The following UTRN variants were observed in gnomAD, a reference collection of about 807,000 sequenced individuals.
The protein encoded by UTRN is dystrophin-related protein 1.
UTRN carries 283 observed loss-of-function variants against 463.9 expected under a neutral mutation model. That is an observed-to-expected ratio of 0.61 (90% CI 0.55 to 0.67). UTRN has a LOEUF of 0.67. Among genes scored for constraint, UTRN ranks in the 30% least tolerant of loss-of-function variants. The pLI is 0.00. For missense variants in UTRN, 3,922 were observed against 4,084.3 expected (o/e 0.96, Z 1.08); for synonymous variants, 1,442 against 1,431.5 (o/e 1.01, Z -0.17).
intron 3 of UTRN, among the ~76,000 whole-genome samples, chr6:144,407,466 C>T (rs1783519412): frequency 6.6e-6 from 1 of 152,120 alleles, no homozygotes; most frequent in African/African-American, 2.4e-5. Flanking sequence ...TAAACAAATC[C>T]AGCTATCCAA....
At chr6:144,514,599 G>A in intron 36 of UTRN, 51 bp from the exon 37 acceptor site, 1 of 1,582,216 alleles carries the variant, frequency 6.3e-7, no homozygotes, top group Non-Finnish European at 8.6e-7. Flanking sequence ...TCACACTCAT[G>A]TTTGGGTTTG....
intron 35 of UTRN, among the ~76,000 whole-genome samples, chr6:144,513,244 T>C (rs749768103): frequency 5.3e-5 from 8 of 152,144 alleles, no homozygotes; most frequent in Non-Finnish European, 8.8e-5. Flanking sequence ...AAAAAATTAT[T>C]CCTTAAATGA....
chr6:144,656,903 T>A (rs1049101159), intron 51 of UTRN, among the ~76,000 whole-genome samples: 2 of 152,214 alleles, frequency 1.3e-5, no homozygotes, highest in African/African-American at 4.8e-5. Flanking sequence ...CATATTCTTT[T>A]GATGATCTGT....
At chr6:144,561,986 T>G (rs1239443070) in intron 50 of UTRN, among the ~76,000 whole-genome samples, 9 of 152,152 alleles carry the variant, frequency 5.9e-5, no homozygotes, top group Admixed American at 5.9e-4. Flanking sequence ...AATGATAAAA[T>G]ACTTCTTTGT....
intron 66 of UTRN, among the ~76,000 whole-genome samples, chr6:144,825,528 C>G (rs1329315081): frequency 6.6e-6 from 1 of 151,570 alleles, no homozygotes. Flanking sequence ...CTTGAGAAAC[C>G]CTTCAGTTCA....
chr6:144,706,225 C>CT (rs59062596), intron 53 of UTRN, among the ~76,000 whole-genome samples: 61,299 of 144,178 alleles, frequency 0.43, 17,520 homozygotes, highest in African/African-American at 0.8. Flanking sequence ...TTCAGGGCAG[C>CT]TTTTTTTTTT....
intron 45 of UTRN, among the ~76,000 whole-genome samples, chr6:144,541,940 G>A (rs1371032820): frequency 6.6e-6 from 1 of 152,212 alleles, no homozygotes; most frequent in African/African-American, 2.4e-5. Context: ...AATGAGCACA[G>A]TGTATATAGG....
chr6:144,322,921 T>G (rs1775754059), intron 2 of UTRN, among the ~76,000 whole-genome samples: 1 of 147,574 alleles, frequency 6.8e-6, no homozygotes, highest in African/African-American at 2.5e-5. Flanking sequence ...ACAGCCTGGG[T>G]GACAGAGTGA....
At chr6:144,380,948 G>A (rs901109199) in intron 2 of UTRN, among the ~76,000 whole-genome samples, 2 of 152,008 alleles carry the variant, frequency 1.3e-5, no homozygotes, top group Non-Finnish European at 2.9e-5. Context: ...CAGAAGTGAG[G>A]CACCTTGCCC....
rs906535163 is a variant in UTRN, at chr6:144,285,428, A to T, written c.-486A>T. On this transcript the variant is annotated 5_prime_UTR_variant, in exon 1 of 75. Coordinates refer to ENST00000367545, the MANE Select transcript of UTRN (RefSeq NM_007124.3). ...GAGGAGCCTCTGGCTCCAGAAGCCG[A>T]TTGGGGAATCACGGGGAGCGGCGCC... 2.6e-5 allele frequency among the ~76,000 whole-genome samples: 4 copies of T among 151,688 alleles called. No individual in the cohort carries two copies. Among genetic ancestry groups the T allele is most frequent in the African/African-American group, 9.7e-5 (4 of 41,354 alleles).
Position 144,850,972 on chromosome 6 carries a change from A to C in UTRN, c.10294-17A>C. ...TTTTGTGCAAATTTCTGACAGTGCT[A>C]TTTTCCCTTCCCATAGGCAATGTGA... On this transcript the variant is annotated splice_polypyrimidine_tract_variant and intron_variant, in intron 74 of 74. Coordinates refer to ENST00000367545, the MANE Select transcript of UTRN (RefSeq NM_007124.3). 6.2e-7 allele frequency: 1 copy of C among 1,613,552 alleles called. No individual in the cohort carries two copies. Among genetic ancestry groups the C allele is most frequent in the South Asian group, 1.1e-5 (1 of 91,068 alleles).
Position 144,694,003 on chromosome 6 carries a change from TTCAG to T in UTRN, c.7653-6082_7653-6079del, listed in dbSNP as rs540948090. 2.8e-4 allele frequency among the ~76,000 whole-genome samples: 43 copies of T among 152,284 alleles called. No homozygotes were observed. In the South Asian group the frequency reaches 8.1e-3, roughly 29 times the overall value. On this transcript the variant is annotated intron_variant, in intron 52 of 74. Transcript: ENST00000367545. ...GGGGAATGCTTCCAGCTTTTGCCCA[TTCAG>T]TATGTTGTTGGCTGTGGGGTGTTGT...
At chr6:144,455,399 G>C (rs1002657216) in intron 19 of UTRN, among the ~76,000 whole-genome samples, 1 of 152,130 alleles carries the variant, frequency 6.6e-6, no homozygotes, top group African/African-American at 2.4e-5. Context: ...AACTTCCCTT[G>C]AGATTCATTC....
At chr6:144,849,446 C>T (rs184192629) in intron 74 of UTRN, among the ~76,000 whole-genome samples, 6 of 152,086 alleles carry the variant, frequency 3.9e-5, no homozygotes, top group African/African-American at 1.4e-4. Context: ...TCTGAGGAGG[C>T]CTTCTCCTCC....
rs149337809 is a variant in UTRN at position 144,520,149 on chromosome 6, TTCC to T, written c.5542-1828_5542-1826del. 2.5e-3 allele frequency among the ~76,000 whole-genome samples: 376 copies of T among 152,298 alleles called. 11 individuals are homozygous for T. The East Asian group carries it at 0.058, about 23-fold the overall frequency. On this transcript the variant is annotated intron_variant, in intron 39 of 74. Coordinates refer to ENST00000367545, the MANE Select transcript of UTRN (RefSeq NM_007124.3). ...GCCAAGAAGGAAAACGGGTCCCACT[TTCC>T]TCTTTTACTTTTTCGACATGATTAC...
intron 2 of UTRN, among the ~76,000 whole-genome samples, chr6:144,392,197 A>AT (rs1250279161): frequency 6.6e-6 from 1 of 152,250 alleles, no homozygotes; most frequent in Non-Finnish European, 1.5e-5. Context: ...AATAGTACAT[A>AT]TTACTAAAAA....
intron 49 of UTRN, among the ~76,000 whole-genome samples, chr6:144,556,288 A>C (rs1799376217): frequency 6.6e-6 from 1 of 152,204 alleles, no homozygotes. Flanking sequence ...TTTTAAAAGC[A>C]AGTGGCCAGT....
intron 27 of UTRN, among the ~76,000 whole-genome samples, chr6:144,484,432 C>CTTTTTTTTTTTTTTTT (rs765122659): frequency 1.5e-5 from 1 of 66,254 alleles, no homozygotes. Flanking sequence ...AAAAACCAAA[C>CTTTTTTTTTTTTTTTT]TTTTTTTTTT....
chr6:144,361,585 T>C lies in UTRN; in HGVS notation c.80-41538T>C, dbSNP rs117179419. Among the ~76,000 whole-genome samples, 139 of 151,904 alleles carry C rather than the reference T, an allele frequency of 9.2e-4. 1 individual carries two copies. The East Asian group carries it at 0.024, about 26-fold the overall frequency. On this transcript the variant is annotated intron_variant, in intron 2 of 74. Coordinates refer to ENST00000367545, the MANE Select transcript of UTRN (RefSeq NM_007124.3). ...AGTCCCTTGTTCTTTAAAAAAAAAT[T>C]ATTTATTTATTTATCTTTTTTAGAG...
Sources: allele counts gnomAD v4.1 joint callset (sites outside exome capture counted in the v4.1 genomes callset), GRCh38; gene constraint gnomAD v4.1.1; transcripts MANE v1.5; gene names NCBI Gene and HGNC (gene_info 2026-07-23, HGNC 2026-07-21).